The following CCDC73 variants were observed in gnomAD, a reference collection of about 807,000 sequenced individuals.
CCDC73 encodes the protein coiled-coil domain-containing protein 73.
A neutral mutation model predicts 116.5 loss-of-function variants in CCDC73; 95 were observed. The observed-to-expected ratio is 0.82, with a 90% CI of 0.69 to 0.97. The LOEUF (loss-of-function observed/expected upper bound fraction) is 0.97, where lower values mean the gene tolerates loss of function less well. CCDC73 is among the 50% of genes least tolerant of loss of function. The pLI is 0.00. For synonymous variants in CCDC73, 398 were observed against 401.3 expected (o/e 0.99, Z 0.10); for missense variants, 1,066 against 1,206.8 (o/e 0.88, Z 1.73).
chr11:32,718,954 G>A (rs1240439876), intron 2 of CCDC73, among the ~76,000 whole-genome samples: 1 of 152,142 alleles, frequency 6.6e-6, no homozygotes, highest in Non-Finnish European at 1.5e-5. Flanking sequence ...CTAAGACTAA[G>A]GTTTAATGAG....
rs113558527 is a variant in CCDC73, at chr11:32,669,820, C to T, written c.645+5745G>A. The stretch of plus-strand genomic sequence containing the variant: ...TATTCTTCTTCGTGGCTGAATAGTA[C>T]TCCACTGTGTATGGGTACCACATTT... On this transcript the variant is annotated intron_variant, in intron 9 of 17. Transcript: ENST00000335185. Among the ~76,000 whole-genome samples, 1,401 of 152,316 alleles carry T rather than the reference C, an allele frequency of 9.2e-3. 12 individuals are homozygous for T. The highest frequency in any genetic ancestry group is 0.031 in the Middle Eastern group (9 of 294).
chr11:32,652,413 A>C (rs1412849094), intron 12 of CCDC73, among the ~76,000 whole-genome samples: 2 of 152,206 alleles, frequency 1.3e-5, no homozygotes, highest in East Asian at 3.8e-4. Context: ...TACTGGTAAC[A>C]CTAGAGTGGA....
At chr11:32,776,923 G>T (rs1850536539) in intron 1 of CCDC73, among the ~76,000 whole-genome samples, 2 of 83,702 alleles carry the variant, frequency 2.4e-5, no homozygotes, top group Admixed American at 1.6e-4. Flanking sequence ...ACAGAGTATG[G>T]TTAAAAAAAA....
intron 12 of CCDC73, among the ~76,000 whole-genome samples, chr11:32,645,291 C>CTTTTTTTT (rs397689348): frequency 1.2e-4 from 15 of 121,074 alleles, no homozygotes; most frequent in East Asian, 2.2e-4. Flanking sequence ...TTTTCTTTTT[C>CTTTTTTTT]TTTTTTTTTT....
chr11:32,820,640 C>T, the CCDC73 span, among the ~76,000 whole-genome samples: 1 of 152,112 alleles, frequency 6.6e-6, no homozygotes, highest in African/African-American at 2.4e-5. Context: ...ACAGAGTCTC[C>T]ACACTTATTG....
intron 13 of CCDC73, among the ~76,000 whole-genome samples, chr11:32,640,651 T>C (rs1375630915): frequency 6.6e-6 from 1 of 152,210 alleles, no homozygotes; most frequent in Admixed American, 6.5e-5. Context: ...TACAAAACTT[T>C]TCTTAGATTT....
At chr11:32,725,211 A>T (rs1161244086) in intron 2 of CCDC73, among the ~76,000 whole-genome samples, 1 of 152,094 alleles carries the variant, frequency 6.6e-6, no homozygotes, top group Non-Finnish European at 1.5e-5. Flanking sequence ...GTCCAAAAAT[A>T]GGTTAATATA....
intron 2 of CCDC73, among the ~76,000 whole-genome samples, chr11:32,725,462 G>A (rs1850022932): frequency 6.6e-6 from 1 of 152,144 alleles, no homozygotes; most frequent in South Asian, 2.1e-4. Context: ...ACAAAATAAG[G>A]AGAGACTACT....
At chr11:32,761,299 A>G (rs914428409) in intron 1 of CCDC73, among the ~76,000 whole-genome samples, 2 of 152,030 alleles carry the variant, frequency 1.3e-5, no homozygotes, top group African/African-American at 2.4e-5. Flanking sequence ...GTAGTATTTC[A>G]TGGTATGAAT....
chr11:32,761,907 G>T (rs1222014067), intron 1 of CCDC73, among the ~76,000 whole-genome samples: 3 of 152,160 alleles, frequency 2.0e-5, no homozygotes, highest in Non-Finnish European at 4.4e-5. Flanking sequence ...TCCAAAAGCA[G>T]TCTGGAAGCA....
intron 1 of CCDC73, among the ~76,000 whole-genome samples, chr11:32,777,034 A>G (rs1850543336): frequency 7.4e-6 from 1 of 135,700 alleles, no homozygotes; most frequent in Non-Finnish European, 1.6e-5. Flanking sequence ...ATTGAACTTA[A>G]AGTTAGAAGT....
At chr11:32,822,836 TAAG>T in the CCDC73 span, among the ~76,000 whole-genome samples, 1 of 151,606 alleles carries the variant, frequency 6.6e-6, no homozygotes, top group Non-Finnish European at 1.5e-5. Flanking sequence ...TAGAAGAAAA[TAAG>T]AAAAGCATAT....
intron 3 of CCDC73, among the ~76,000 whole-genome samples, chr11:32,707,509 G>A (rs755526202): frequency 4.6e-5 from 7 of 151,626 alleles, no homozygotes; most frequent in African/African-American, 7.3e-5. Context: ...ATAGTGATGC[G>A]TCAGGGATTT....
chr11:32,785,651 TGCC>T (rs1850621358), intron 1 of CCDC73, among the ~76,000 whole-genome samples: 1 of 152,116 alleles, frequency 6.6e-6, no homozygotes, highest in African/African-American at 2.4e-5. Context: ...GCAATCCTCC[TGCC>T]TCGGCCTCCA....
At chr11:32,692,844 T>C (rs1430840144) in intron 6 of CCDC73, among the ~76,000 whole-genome samples, 1 of 152,220 alleles carries the variant, frequency 6.6e-6, no homozygotes, top group Non-Finnish European at 1.5e-5. Flanking sequence ...AAGTCATTAA[T>C]AGAAATAGTT....
chr11:32,630,349 G>A (rs1008676562), intron 14 of CCDC73, among the ~76,000 whole-genome samples: 5 of 151,954 alleles, frequency 3.3e-5, no homozygotes, highest in African/African-American at 1.2e-4. Context: ...TTTGTTTTGC[G>A]GGGAAGGGAG....
At chr11:32,694,488 C>T (rs1856290885) in intron 6 of CCDC73, among the ~76,000 whole-genome samples, 1 of 152,004 alleles carries the variant, frequency 6.6e-6, no homozygotes, top group Non-Finnish European at 1.5e-5. Flanking sequence ...GAGAAATACC[C>T]AATTTACATG....
chr11:32,789,266 A>T (rs1850654162), intron 1 of CCDC73, among the ~76,000 whole-genome samples: 1 of 152,248 alleles, frequency 6.6e-6, no homozygotes, highest in Non-Finnish European at 1.5e-5. Flanking sequence ...AAAGGGCCAC[A>T]GTACAAAAAT....
chr11:32,640,050 A>G (rs1855718847), intron 13 of CCDC73, among the ~76,000 whole-genome samples: 1 of 152,130 alleles, frequency 6.6e-6, no homozygotes, highest in African/African-American at 2.4e-5. Context: ...TCTTGATCCA[A>G]TCTCAGTAGC....
Sources: gnomAD v4.1 joint callset for allele counts (sites outside exome capture counted in the v4.1 genomes callset) on GRCh38, gnomAD v4.1.1 for gene constraint, MANE v1.5 for transcripts, NCBI Gene and HGNC (gene_info 2026-07-23, HGNC 2026-07-21) for gene names.